The following PIK3C3 variants were observed in gnomAD, a reference collection of about 807,000 sequenced individuals.
The protein encoded by PIK3C3 is phosphatidylinositol 3-kinase catalytic subunit type 3, also known as PI3-kinase type 3.
A neutral mutation model predicts 126.1 loss-of-function variants in PIK3C3; 95 were observed. The ratio of observed to expected loss-of-function variants is 0.75; its 90% CI spans 0.64 to 0.89. PIK3C3 has a LOEUF of 0.89. Ranked by LOEUF, PIK3C3 falls within the 40% of genes least tolerant of loss-of-function variation. The probability of loss-of-function intolerance (pLI) is 0.00; values close to 1 mark genes in which losing one functional copy is unlikely to be tolerated. For missense variants in PIK3C3, 829 were observed against 1,063.2 expected, an observed-to-expected ratio of 0.78 and a Z score of 3.06; for synonymous variants, 374 against 360.0, an observed-to-expected ratio of 1.04 and a Z score of -0.44.
intron 22 of PIK3C3, among the ~76,000 whole-genome samples, chr18:42,064,057 A>C (rs906380013): frequency 1.3e-5 from 2 of 152,178 alleles, no homozygotes; most frequent in Admixed American, 6.5e-5. Flanking sequence ...CAGAATAGTA[A>C]CATTTGTTCT....
chr18:41,998,599 T>C (rs1982137227), intron 9 of PIK3C3, among the ~76,000 whole-genome samples: 1 of 152,194 alleles, frequency 6.6e-6, no homozygotes, highest in African/African-American at 2.4e-5. Context: ...GTTCAAGTGA[T>C]ATAAAGTGTG....
intron 4 of PIK3C3, among the ~76,000 whole-genome samples, chr18:41,983,667 A>G (rs995481669): frequency 4.6e-5 from 7 of 152,156 alleles, no homozygotes; most frequent in Admixed American, 2.0e-4. Context: ...AAGGATCACT[A>G]TCTGCTCTGA....
At chr18:42,065,878 A>T (rs1352227836) in intron 23 of PIK3C3, among the ~76,000 whole-genome samples, 1 of 152,344 alleles carries the variant, frequency 6.6e-6, no homozygotes, top group East Asian at 1.9e-4. Context: ...CTTTGGTATA[A>T]AAGAGAATAT....
At chr18:41,990,314 G>A (rs762624521) in intron 5 of PIK3C3, 145 bp from the exon 6 acceptor site, 2 of 614,388 alleles carry the variant, frequency 3.3e-6, no homozygotes, top group Non-Finnish European at 5.8e-6. Flanking sequence ...CACACTACAT[G>A]TATATAATAA....
intron 22 of PIK3C3, among the ~76,000 whole-genome samples, chr18:42,061,121 C>T (rs1421621293): frequency 1.3e-5 from 2 of 152,164 alleles, no homozygotes; most frequent in Admixed American, 6.5e-5. Context: ...TTGGCATGAA[C>T]GTGGGTAAGA....
At chr18:41,982,114 C>T (rs1476510369) in intron 4 of PIK3C3, among the ~76,000 whole-genome samples, 1 of 152,122 alleles carries the variant, frequency 6.6e-6, no homozygotes, top group African/African-American at 2.4e-5. Context: ...AAGATATTGT[C>T]TTCAAGTATT....
At chr18:42,033,994 C>T (rs758877103) in intron 16 of PIK3C3, 37 bp downstream of exon 16, 1 of 1,460,106 alleles carries the variant, frequency 6.8e-7, no homozygotes, top group Non-Finnish European at 9.3e-7. Context: ...ATGATTGGAA[C>T]CTAATTCTTA....
At chr18:42,060,457 T>A (rs1009752040) in intron 22 of PIK3C3, among the ~76,000 whole-genome samples, 2 of 152,114 alleles carry the variant, frequency 1.3e-5, no homozygotes, top group African/African-American at 4.8e-5. Flanking sequence ...TTGGTAAAAA[T>A]TTTCAATAGT....
At chr18:41,966,543 G>A (rs1980381001) in intron 3 of PIK3C3, among the ~76,000 whole-genome samples, 1 of 151,998 alleles carries the variant, frequency 6.6e-6, no homozygotes, top group Non-Finnish European at 1.5e-5. Context: ...TAAAAGAAAA[G>A]CTTGATATCC....
intron 3 of PIK3C3, among the ~76,000 whole-genome samples, chr18:41,966,198 T>G: frequency 7.0e-6 from 1 of 143,694 alleles, no homozygotes; most frequent in East Asian, 2.1e-4. Context: ...TTTTTTTTTT[T>G]TTGAGATGGA....
Position 42,049,623 on chromosome 18 carries a change from C to G in PIK3C3, c.2263+18C>G, listed in dbSNP as rs752785310. 3.9e-6 allele frequency: 6 copies of G among 1,553,628 alleles called. No homozygotes were observed. The Admixed American group carries it at 1.0e-4, about 26-fold the overall frequency. On this transcript the variant is annotated intron_variant, in intron 21 of 24. Transcript: ENST00000262039. Reference sequence around the variant, plus strand: ...AAAAACAGGTAACAATTAATGACTACCAGTAGACATACATTGTATATGCCC... The same window carrying G: ...AAAAACAGGTAACAATTAATGACTAGCAGTAGACATACATTGTATATGCCC...
intron 24 of PIK3C3, 29 bp downstream of exon 24, chr18:42,067,542 C>T (rs779716160): frequency 6.2e-7 from 1 of 1,612,864 alleles, no homozygotes; most frequent in Non-Finnish European, 8.5e-7. Flanking sequence ...GTGCATTTTT[C>T]TCACCTTCTC....
intron 4 of PIK3C3, among the ~76,000 whole-genome samples, chr18:41,981,563 T>A (rs78981807): frequency 1.3e-5 from 2 of 152,170 alleles, no homozygotes; most frequent in Non-Finnish European, 2.9e-5. Flanking sequence ...CATAGGCATA[T>A]GCAAAGTCTC....
chr18:42,051,071 T>G (rs1162152074), intron 21 of PIK3C3: 1 of 152,250 alleles, frequency 6.6e-6, no homozygotes, highest in Non-Finnish European at 1.5e-5. Flanking sequence ...CAACAACTAT[T>G]TATTGAACAG....
chr18:42,044,392 A>AT (rs1216000671), intron 20 of PIK3C3, among the ~76,000 whole-genome samples: 4 of 148,770 alleles, frequency 2.7e-5, no homozygotes, highest in South Asian at 2.1e-4. Context: ...CATTTTCTTT[A>AT]TTTTTTTCTT....
intron 15 of PIK3C3, among the ~76,000 whole-genome samples, chr18:42,033,288 T>A (rs991150359): frequency 1.3e-5 from 2 of 152,132 alleles, no homozygotes; most frequent in African/African-American, 4.8e-5. Context: ...CTGAAGAAAA[T>A]GAATGATGAT....
chr18:42,058,159 A>G lies in PIK3C3; in HGVS notation c.2432+108A>G, dbSNP rs990221879. 4 of 836,902 alleles carry G rather than the reference A, an allele frequency of 4.8e-6. No individual in the cohort carries two copies. In the African/African-American group the frequency reaches 5.4e-5, roughly 11 times the overall value. 51.8% of individuals were successfully genotyped at this position (836,902 alleles called of 1,614,324 possible). On this transcript the variant is annotated intron_variant, in intron 22 of 24. Transcript: ENST00000262039. ...TTCTTTAGCATTGATCACTTTTTCAAAATGACAAAGGCAACAATATTTCCT... is the reference window on the plus strand; with the variant it reads ...TTCTTTAGCATTGATCACTTTTTCAGAATGACAAAGGCAACAATATTTCCT...
chr18:42,064,547 T>G (rs964883172), intron 22 of PIK3C3, 193 bp from the exon 23 acceptor site: 1 of 524,148 alleles, frequency 1.9e-6, no homozygotes, highest in African/African-American at 1.9e-5. Flanking sequence ...AGAAATGGTG[T>G]TATACGAAGA....
At position 42,084,306 on chromosome 18, in the gene PIK3C3, C is replaced by G. The variant is rs920468532; in HGVS notation, c.*3169C>G. 1 of 152,102 alleles carries G rather than the reference C, an allele frequency of 6.6e-6. No homozygotes were observed. Among genetic ancestry groups the G allele is most frequent in the Non-Finnish European group, 1.5e-5 (1 of 68,010 alleles). The allele number at this position is 152,102 out of a possible 1,614,324, so 9.4% of individuals were successfully genotyped here. A position where few individuals can be genotyped will look rare whatever the true frequency, so the allele number is the denominator to read the frequency against. On this transcript the variant is annotated 3_prime_UTR_variant, in exon 25 of 25. Coordinates refer to ENST00000262039, the MANE Select transcript of PIK3C3 (RefSeq NM_002647.4). The stretch of plus-strand genomic sequence containing the variant: ...TGTTTATTTTAGAGAGATCACACAA[C>G]TTCAAATAAAAACTGACATAGATTG...
Sources: gnomAD v4.1 joint callset for allele counts (sites outside exome capture counted in the v4.1 genomes callset) on GRCh38, gnomAD v4.1.1 for gene constraint, MANE v1.5 for transcripts, NCBI Gene and HGNC (gene_info 2026-07-23, HGNC 2026-07-21) for gene names.